The following NDUFS4 variants were observed in gnomAD, a reference collection of about 807,000 sequenced individuals.
NDUFS4 encodes NADH:ubiquinone oxidoreductase subunit S4, also known as NADH dehydrogenase [ubiquinone] iron-sulfur protein 4, mitochondrial.
In NDUFS4, 28 loss-of-function variants were observed where a neutral mutation model predicts 24.3. That is an observed-to-expected ratio of 1.15 (90% confidence interval 0.85 to 1.58). The LOEUF (loss-of-function observed/expected upper bound fraction) is 1.58, where lower values mean the gene tolerates loss of function less well. NDUFS4 is among the 40% of genes most tolerant of loss of function. The probability of loss-of-function intolerance (pLI) is 0.00; values close to 1 mark genes in which losing one functional copy is unlikely to be tolerated. For synonymous variants in NDUFS4, 93 were observed against 69.7 expected (o/e 1.34, Z -1.67); for missense variants, 223 against 207.9 (o/e 1.07, Z -0.45).
chr5:53,644,052 G>T (rs1343268359), intron 2 of NDUFS4, among the ~76,000 whole-genome samples: 1 of 152,070 alleles, frequency 6.6e-6, no homozygotes, highest in African/African-American at 2.4e-5. Flanking sequence ...TTTCTACTTT[G>T]TAGCTCAAAT....
At chr5:53,560,911 CTA>C in intron 1 of NDUFS4, 151 bp downstream of exon 1, 1 of 1,518,470 alleles carries the variant, frequency 6.6e-7, no homozygotes, top group Non-Finnish European at 8.8e-7. Flanking sequence ...GGACTGTCTG[CTA>C]TCAATGGGCG....
intron 2 of NDUFS4, among the ~76,000 whole-genome samples, chr5:53,640,588 G>A (rs1311320504): frequency 4.6e-5 from 7 of 151,982 alleles, no homozygotes; most frequent in South Asian, 2.1e-4. Flanking sequence ...AATGTGTCAG[G>A]CTCTTTTAAA....
At chr5:53,589,048 C>A (rs1749858563) in intron 1 of NDUFS4, among the ~76,000 whole-genome samples, 1 of 152,050 alleles carries the variant, frequency 6.6e-6, no homozygotes. Context: ...AGTTGTGAAG[C>A]AGATCATCTA....
chr5:53,590,370 G>A (rs188009314), intron 1 of NDUFS4, among the ~76,000 whole-genome samples: 198 of 152,220 alleles, frequency 1.3e-3, no homozygotes, highest in Admixed American at 2.5e-3. Flanking sequence ...TTTTTATGTA[G>A]AACATGTTGG....
At chr5:53,628,711 A>G (rs938269999) in intron 2 of NDUFS4, among the ~76,000 whole-genome samples, 10 of 152,160 alleles carry the variant, frequency 6.6e-5, no homozygotes, top group African/African-American at 2.4e-4. Flanking sequence ...TTTCTGTTTG[A>G]TCAGTGGTGA....
intron 2 of NDUFS4, among the ~76,000 whole-genome samples, chr5:53,630,273 T>A (rs542677636): frequency 6.6e-5 from 10 of 152,170 alleles, no homozygotes; most frequent in Non-Finnish European, 1.5e-4. Context: ...GGGCTTCCCT[T>A]TGTGGTTAAC....
intron 1 of NDUFS4, among the ~76,000 whole-genome samples, chr5:53,578,123 A>G (rs1452494009): frequency 1.3e-5 from 2 of 152,198 alleles, no homozygotes; most frequent in African/African-American, 4.8e-5. Context: ...CATAGTTCGT[A>G]CTAGAATGGA....
chr5:53,623,016 A>G (rs1435018099), intron 2 of NDUFS4, among the ~76,000 whole-genome samples: 2 of 152,162 alleles, frequency 1.3e-5, no homozygotes, highest in African/African-American at 4.8e-5. Flanking sequence ...TTGTTTATCC[A>G]TCCTTCTGTC....
Position 53,646,286 on chromosome 5 carries a change from C to T in NDUFS4, c.231C>T (p.Val77=). The change falls in exon 3 of 5, where the codon GTC becomes GTT. Residue 77 remains valine (V), a synonymous_variant. Transcript: ENST00000296684. ...AAGAGCATATAAAAACTAGAAAAGT[C>T]AGGATCTTTGTTCCTGCTCGCAATA... is the stretch of plus-strand genomic sequence containing the variant. ...VPEEHIKTRK[V]RIFVPARNNM... is the part of the protein sequence containing the mutation. 6.2e-7 allele frequency: 1 copy of T among 1,613,200 alleles called. No individual in the cohort carries two copies. Among genetic ancestry groups the T allele is most frequent in the African/African-American group, 1.3e-5 (1 of 74,938 alleles).
intron 3 of NDUFS4, among the ~76,000 whole-genome samples, chr5:53,655,945 A>G (rs1472840629): frequency 6.6e-6 from 1 of 152,136 alleles, no homozygotes; most frequent in African/African-American, 2.4e-5. Context: ...CAATTCTTTC[A>G]GCCTTCCCAG....
chr5:53,667,929 T>A (rs146548381), intron 4 of NDUFS4, among the ~76,000 whole-genome samples: 14 of 152,352 alleles, frequency 9.2e-5, no homozygotes, highest in Middle Eastern at 3.4e-3. Context: ...TTCGTCTTTA[T>A]TTCTTTGCTA....
At chr5:53,637,612 G>C (rs950708791) in intron 2 of NDUFS4, among the ~76,000 whole-genome samples, 3 of 152,022 alleles carry the variant, frequency 2.0e-5, no homozygotes, top group Non-Finnish European at 4.4e-5. Flanking sequence ...TGTATAGATA[G>C]CTTAAAAGAA....
At chr5:53,634,154 T>G (rs1050013456) in intron 2 of NDUFS4, among the ~76,000 whole-genome samples, 7 of 150,040 alleles carry the variant, frequency 4.7e-5, no homozygotes, top group African/African-American at 1.8e-4. Flanking sequence ...TTCTGTTGCA[T>G]AGTTTTTTAT....
At chr5:53,595,997 T>A (rs1053686572) in intron 1 of NDUFS4, among the ~76,000 whole-genome samples, 1 of 152,244 alleles carries the variant, frequency 6.6e-6, no homozygotes, top group African/African-American at 2.4e-5. Context: ...GCAAAAACTT[T>A]AAGTGAGAAT....
chr5:53,576,139 A>C (rs911464376), intron 1 of NDUFS4, among the ~76,000 whole-genome samples: 1 of 152,240 alleles, frequency 6.6e-6, no homozygotes, highest in African/African-American at 2.4e-5. Context: ...CTAGAAATAG[A>C]TACAGTCATA....
intron 1 of NDUFS4, among the ~76,000 whole-genome samples, chr5:53,579,542 CA>C (rs1195915754): frequency 6.6e-6 from 1 of 152,014 alleles, no homozygotes; most frequent in Non-Finnish European, 1.5e-5. Context: ...ACCCTGTCTC[CA>C]AAAAAGTAAA....
intron 2 of NDUFS4, among the ~76,000 whole-genome samples, chr5:53,608,191 T>G (rs1750586874): frequency 6.6e-6 from 1 of 152,206 alleles, no homozygotes; most frequent in African/African-American, 2.4e-5. Flanking sequence ...GCATTAGCAT[T>G]ATGTCTAAAA....
At chr5:53,618,588 T>G (rs963117155) in intron 2 of NDUFS4, among the ~76,000 whole-genome samples, 1 of 152,168 alleles carries the variant, frequency 6.6e-6, no homozygotes, top group Admixed American at 6.5e-5. Context: ...TCTAACAGCC[T>G]GTGGCACTAA....
chr5:53,612,990 T>C (rs987443826), intron 2 of NDUFS4, among the ~76,000 whole-genome samples: 3 of 152,106 alleles, frequency 2.0e-5, no homozygotes, highest in Non-Finnish European at 4.4e-5. Flanking sequence ...AGATGAAAAC[T>C]TATATAAGTC....
Sources: gnomAD v4.1 joint callset for allele counts (sites outside exome capture counted in the v4.1 genomes callset) on GRCh38, gnomAD v4.1.1 for gene constraint, MANE v1.5 for transcripts, NCBI Gene and HGNC (gene_info 2026-07-23, HGNC 2026-07-21) for gene names.